DISC1: variants seen among roughly 807,000 people sequenced by gnomAD.
The protein encoded by DISC1 is disrupted in schizophrenia 1 protein.
A neutral mutation model predicts 84.5 loss-of-function variants in DISC1; 57 were observed. That is an observed-to-expected ratio of 0.67 (90% CI 0.55 to 0.84). The LOEUF is 0.84. Ranked by LOEUF, DISC1 falls within the 40% of genes least tolerant of loss-of-function variation. The pLI is 0.00. For missense variants in DISC1, 1,000 were observed against 1,057.8 expected (o/e 0.95, Z 0.76); for synonymous variants, 411 against 415.2 (o/e 0.99, Z 0.12).
chr1:231,882,032 C>T (rs192558082), intron 9 of DISC1, among the ~76,000 whole-genome samples: 2 of 152,342 alleles, frequency 1.3e-5, no homozygotes, highest in Admixed American at 1.3e-4. Context: ...GCCAGCCCAT[C>T]TCCACTCCTC....
chr1:231,656,605 C>G (rs544632385), intron 1 of DISC1, among the ~76,000 whole-genome samples: 1 of 152,012 alleles, frequency 6.6e-6, no homozygotes, highest in South Asian at 2.1e-4. Context: ...TAGGATTGTT[C>G]GTTCTTTCTT....
At chr1:231,822,131 A>G (rs972903367) in intron 9 of DISC1, among the ~76,000 whole-genome samples, 2 of 152,218 alleles carry the variant, frequency 1.3e-5, no homozygotes, top group Non-Finnish European at 2.9e-5. Flanking sequence ...TAACTCAGCT[A>G]TAAAGGAAAC....
At chr1:231,974,717 T>G (rs746557505) in intron 10 of DISC1, among the ~76,000 whole-genome samples, 50 of 152,236 alleles carry the variant, frequency 3.3e-4, no homozygotes, top group Admixed American at 5.9e-4. Context: ...TTTCTTTAAG[T>G]CTAGCTTAGT....
At chr1:231,819,011 CA>C in intron 9 of DISC1, 1 of 995,090 alleles carries the variant, frequency 1.0e-6, no homozygotes, top group Non-Finnish European at 1.2e-6. Flanking sequence ...CCGCCTTAGC[CA>C]AAGTGTCTGC....
chr1:231,864,618 G>T (rs1281867949), intron 9 of DISC1, among the ~76,000 whole-genome samples: 1 of 152,062 alleles, frequency 6.6e-6, no homozygotes, highest in Non-Finnish European at 1.5e-5. Context: ...AGCCAAGATC[G>T]CACCACTGCA....
intron 9 of DISC1, among the ~76,000 whole-genome samples, chr1:231,888,456 C>T (rs973332761): frequency 2.0e-5 from 3 of 151,814 alleles, no homozygotes; most frequent in African/African-American, 7.3e-5. Context: ...GAAGAGTGTC[C>T]ACCCCAGGCC....
chr1:231,786,070 T>TTAAA (rs1465290247), intron 6 of DISC1, among the ~76,000 whole-genome samples: 2 of 152,182 alleles, frequency 1.3e-5, no homozygotes, highest in Non-Finnish European at 2.9e-5. Flanking sequence ...TATTACTCTA[T>TTAAA]TATAGAGTGA....
At chr1:231,820,019 A>G (rs1303972909) in intron 9 of DISC1, among the ~76,000 whole-genome samples, 1 of 152,258 alleles carries the variant, frequency 6.6e-6, no homozygotes, top group Non-Finnish European at 1.5e-5. Context: ...TGAATAAAAC[A>G]TAAACAAATG....
rs191627209 is a variant in DISC1 at position 232,027,038 on chromosome 1, A to G, written c.2425+486A>G. Among the ~76,000 whole-genome samples the G allele has an allele frequency of 7.3e-3, 1,114 of 152,208 alleles. 17 individuals carry two copies. The highest frequency in any genetic ancestry group is 0.025 in the African/African-American group (1,042 of 41,524). On this transcript the variant is annotated intron_variant, in intron 12 of 12. Transcript: ENST00000439617. ...AGTGCTGGGATTACAGGCTTGGGCC[A>G]CCGCATCCGGCCGCAATTCAGTATT...
At chr1:231,746,851 A>T (rs192986204) in intron 3 of DISC1, among the ~76,000 whole-genome samples, 11 of 152,212 alleles carry the variant, frequency 7.2e-5, no homozygotes, top group African/African-American at 2.7e-4. Flanking sequence ...TATTCTGGAT[A>T]GTAATCCCCT....
chr1:231,640,015 T>A (rs1372872130), intron 1 of DISC1, among the ~76,000 whole-genome samples: 3 of 152,230 alleles, frequency 2.0e-5, no homozygotes, highest in Non-Finnish European at 2.9e-5. Context: ...AAATGAAGAC[T>A]CTAAATTGCT....
At chr1:231,690,481 C>T (rs1199260827) in intron 1 of DISC1, among the ~76,000 whole-genome samples, 3 of 152,304 alleles carry the variant, frequency 2.0e-5, no homozygotes, top group Non-Finnish European at 4.4e-5. Context: ...CCATATGTTG[C>T]TTCCTGCCCT....
intron 10 of DISC1, among the ~76,000 whole-genome samples, chr1:231,962,977 C>G (rs1198862804): frequency 6.6e-6 from 1 of 152,166 alleles, no homozygotes; most frequent in East Asian, 1.9e-4. Context: ...TTGTGGGCCC[C>G]TCTTCTGATC....
At chr1:231,951,889 A>ACC (rs1486377542) in intron 9 of DISC1, among the ~76,000 whole-genome samples, 1 of 151,678 alleles carries the variant, frequency 6.6e-6, no homozygotes, top group Admixed American at 6.6e-5. Flanking sequence ...AACAAAGTGA[A>ACC]CCCTCATCTC....
chr1:231,796,475 G>A (rs979360088), intron 7 of DISC1, among the ~76,000 whole-genome samples: 19 of 152,068 alleles, frequency 1.2e-4, no homozygotes, highest in African/African-American at 4.3e-4. Context: ...CAGGAAACAC[G>A]CCAAGGGATC....
In DISC1 at chr1:231,753,674, G is replaced by A. The variant is rs141288009; in HGVS notation, c.1268+3598G>A. On this transcript the variant is annotated intron_variant, in intron 4 of 12. Transcript: ENST00000439617. Reference sequence around the variant, plus strand: ...TGCAGCCTGCTTGAATTCCTCCCTCGAAAATGGTCTTTTCTTTTCTACCAC... The same window carrying A: ...TGCAGCCTGCTTGAATTCCTCCCTCAAAAATGGTCTTTTCTTTTCTACCAC... 2.3e-3 allele frequency among the ~76,000 whole-genome samples: 343 copies of A among 152,214 alleles called. 3 individuals are homozygous for A. Among genetic ancestry groups the A allele is most frequent in the African/African-American group, 7.8e-3 (326 of 41,554 alleles).
intron 10 of DISC1, among the ~76,000 whole-genome samples, chr1:231,993,193 G>A (rs1428017160): frequency 6.6e-6 from 1 of 152,094 alleles, no homozygotes; most frequent in Non-Finnish European, 1.5e-5. Context: ...TCTGTAATTA[G>A]AAACCTGTGC....
chr1:231,842,078 C>T (rs555960953), intron 9 of DISC1, among the ~76,000 whole-genome samples: 3 of 152,162 alleles, frequency 2.0e-5, no homozygotes, highest in Admixed American at 6.6e-5. Context: ...TGACTCACTG[C>T]ATCCTCACAC....
chr1:231,782,260 G>A (rs944771171), intron 6 of DISC1, among the ~76,000 whole-genome samples: 3 of 152,170 alleles, frequency 2.0e-5, no homozygotes, highest in Non-Finnish European at 4.4e-5. Flanking sequence ...TTTTCCTACT[G>A]TTAATTCATT....
Sources: allele counts gnomAD v4.1 joint callset (sites outside exome capture counted in the v4.1 genomes callset), GRCh38; gene constraint gnomAD v4.1.1; transcripts MANE v1.5; gene names NCBI Gene and HGNC (gene_info 2026-07-23, HGNC 2026-07-21).